Variants in CYB561 observed in about 807,000 individuals in gnomAD.
The protein encoded by CYB561 is transmembrane ascorbate-dependent reductase CYB561.
A neutral mutation model predicts 25.3 loss-of-function variants in CYB561; 11 were observed. That is an observed-to-expected ratio of 0.44 (90% confidence interval 0.27 to 0.72). The LOEUF (loss-of-function observed/expected upper bound fraction) is 0.72. Among genes scored for constraint, CYB561 ranks in the 30% least tolerant of loss-of-function variants. The pLI, the probability that CYB561 is intolerant of heterozygous loss-of-function variation, is 0.18. For missense variants in CYB561, 295 were observed against 334.9 expected (o/e 0.88, Z 0.93); for synonymous variants, 165 against 158.8 (o/e 1.04, Z -0.29).
In CYB561 at chr17:63,435,756, C is replaced by T. The variant is rs1599115823; in HGVS notation, c.337G>A (p.Gly113Ser). 5 of 1,614,202 alleles carry T rather than the reference C, an allele frequency of 3.1e-6. No homozygotes were observed. The highest frequency in any genetic ancestry group is 1.6e-4 in the Middle Eastern group (1 of 6,062). Residue 113 changes from glycine to serine, a missense_variant, in exon 4 of 6, where the codon GGC becomes AGC. Transcript: ENST00000360793. Reference sequence around the variant, plus strand: ...TGTAGGCTGTACAGGTCAGCGTAGCCCTTCTTCCTGTGGTAGTCGAACACC... The same window carrying T: ...TGTAGGCTGTACAGGTCAGCGTAGCTCTTCTTCCTGTGGTAGTCGAACACC... ...VAVFDYHRKK[G>S]YADLYSLHSW...
At chr17:63,440,477 T>C (rs2049363842) in intron 1 of CYB561, among the ~76,000 whole-genome samples, 2 of 152,132 alleles carry the variant, frequency 1.3e-5, no homozygotes, top group Admixed American at 1.3e-4. Flanking sequence ...GCTCCCAACA[T>C]CATGCTGTCC....
Position 63,433,654 on chromosome 17 carries a change from GC to G in CYB561, c.*747del. ...GAGGGAGCCCCAGCAGGAAGGGGCTGCAAGGTGCCCCCCATCCCCAACCCCC... is the reference window on the plus strand; with the variant it reads ...GAGGGAGCCCCAGCAGGAAGGGGCTGAAGGTGCCCCCCATCCCCAACCCCC... On this transcript the variant is annotated 3_prime_UTR_variant, in exon 6 of 6. Coordinates refer to ENST00000360793, the MANE Select transcript of CYB561 (RefSeq NM_001915.4). 2.8e-6 allele frequency: 1 copy of G among 361,038 alleles called. No homozygotes were observed. The highest frequency in any genetic ancestry group is 4.9e-6 in the Non-Finnish European group (1 of 203,406). The allele number at this position is 361,038 out of a possible 1,614,324, so 22.4% of individuals were successfully genotyped here. A position where few individuals can be genotyped will look rare whatever the true frequency, so the allele number is the denominator to read the frequency against.
At chr17:63,435,937 T>C (rs1298247291) in intron 3 of CYB561, 117 bp downstream of exon 3, 53 of 1,593,502 alleles carry the variant, frequency 3.3e-5, no homozygotes, top group Non-Finnish European at 4.3e-5. Flanking sequence ...CAGGGGATGT[T>C]TGGGGTGGGG....
intron 1 of CYB561, among the ~76,000 whole-genome samples, chr17:63,445,498 AGAG>A: frequency 6.7e-6 from 1 of 149,832 alleles, no homozygotes; most frequent in East Asian, 2.0e-4. Context: ...GGAATGAATG[AGAG>A]GAGGACGACC....
At chr17:63,445,505 G>A (rs1176241855) in intron 1 of CYB561, among the ~76,000 whole-genome samples, 1 of 150,518 alleles carries the variant, frequency 6.6e-6, no homozygotes, top group East Asian at 2.0e-4. Context: ...ATGAGAGGAG[G>A]ACGACCAGAA....
At chr17:63,438,854 CAGG>C (rs1326297057) in intron 1 of CYB561, among the ~76,000 whole-genome samples, 1 of 152,222 alleles carries the variant, frequency 6.6e-6, no homozygotes, top group Non-Finnish European at 1.5e-5. Flanking sequence ...GGAGAGGCGG[CAGG>C]AGGAGAACAA....
Position 63,436,095 on chromosome 17 carries a change from T to G in CYB561, c.260A>C (p.His87Pro). Reference sequence around the variant, plus strand: ...GAGCGCAAAGATGTGCAGCAGCCCGTGCAGGACCTTGGTGGTGCGTTTAGC... The same window carrying G: ...GAGCGCAAAGATGTGCAGCAGCCCGGGCAGGACCTTGGTGGTGCGTTTAGC... ...NEAKRTTKVL[H>P]GLLHIFALVI... The change falls in exon 3 of 6, where the codon CAC becomes CCC. Residue 87 changes from histidine (H) to proline (P), a missense_variant. Coordinates refer to ENST00000360793, the MANE Select transcript of CYB561 (RefSeq NM_001915.4). This position sits in a 1 kb window ranked among gnomAD's most constrained non-coding sequence, Gnocchi z 4.8. The G allele has an allele frequency of 6.2e-7, 1 of 1,614,228 alleles. No individual in the cohort carries two copies. Among genetic ancestry groups the G allele is most frequent in the Non-Finnish European group, 8.5e-7 (1 of 1,180,028 alleles).
intron 1 of CYB561, among the ~76,000 whole-genome samples, chr17:63,444,439 A>G (rs1599124119): frequency 6.6e-6 from 1 of 152,240 alleles, no homozygotes; most frequent in East Asian, 1.9e-4. Flanking sequence ...AAGGTGTGCC[A>G]GCGCCCAGCA....
intron 1 of CYB561, among the ~76,000 whole-genome samples, chr17:63,441,326 A>T (rs1230348251): frequency 6.6e-6 from 1 of 152,202 alleles, no homozygotes; most frequent in Non-Finnish European, 1.5e-5. Flanking sequence ...GTCACCCTTA[A>T]ATGACACTGT....
intron 1 of CYB561, among the ~76,000 whole-genome samples, chr17:63,443,820 C>T (rs2049398586): frequency 1.3e-5 from 2 of 152,044 alleles, no homozygotes; most frequent in African/African-American, 4.8e-5. Flanking sequence ...GAGATAGGGT[C>T]TCACTATGTT....
intron 3 of CYB561, 70 bp from the exon 4 acceptor site, chr17:63,435,861 G>A (rs2049292806): frequency 6.3e-7 from 1 of 1,584,520 alleles, no homozygotes; most frequent in Non-Finnish European, 8.7e-7. Context: ...TGACCCAGGG[G>A]AACCAGCTAG....
At chr17:63,438,368 C>T (rs1206051952) in intron 1 of CYB561, 4 of 650,100 alleles carry the variant, frequency 6.2e-6, no homozygotes, top group Non-Finnish European at 1.0e-5. Flanking sequence ...GGAAGTCTCC[C>T]TCCCCCATCC....
rs151218891 is a variant in CYB561, at chr17:63,437,499, C to G, written c.49G>C (p.Val17Leu). The change falls in exon 2 of 6, where the codon GTG (valine) becomes CTG (leucine). Residue 17 changes from valine (V) to leucine (L), a missense_variant. Physicochemically the swap from Val to Leu is conservative, Grantham distance 32 (BLOSUM62 1). Coordinates refer to ENST00000360793, the MANE Select transcript of CYB561 (RefSeq NM_001915.4). ...AATPTALPYY[V>L]AFSQLLGLTL... ...AGGCCCAGCAGCTGGGAGAAGGCCA[C>G]GTAGTAAGGCAGTGCTGTGGGGGTG... 167 of 1,613,540 alleles carry G rather than the reference C, an allele frequency of 1.0e-4. No individual in the cohort carries two copies. The highest frequency in any genetic ancestry group is 2.4e-5 in the Non-Finnish European group (28 of 1,179,950).
Position 63,436,282 on chromosome 17 carries a change from G to A in CYB561, c.203-130C>T. 1.7e-6 allele frequency: 2 copies of A among 1,198,252 alleles called. No homozygotes were observed. Among genetic ancestry groups the A allele is most frequent in the Non-Finnish European group, 2.3e-6 (2 of 865,700 alleles). 74.2% of individuals were successfully genotyped at this position (1,198,252 alleles called of 1,614,324 possible). A position where few individuals can be genotyped will look rare whatever the true frequency, so the allele number is the denominator to read the frequency against. ...GCTTGTAACAGGAGCCTAGCTGCAGGAACCGGAGGAGAAAGCCAGGTTCCC... is the reference window on the plus strand; with the variant it reads ...GCTTGTAACAGGAGCCTAGCTGCAGAAACCGGAGGAGAAAGCCAGGTTCCC... On this transcript the variant is annotated intron_variant, in intron 2 of 5. Transcript: ENST00000360793. This position sits in a 1 kb window ranked among gnomAD's most constrained non-coding sequence, Gnocchi z 4.8.
chr17:63,440,439 C>T (rs1009047530), intron 1 of CYB561, among the ~76,000 whole-genome samples: 2 of 152,214 alleles, frequency 1.3e-5, no homozygotes, highest in African/African-American at 4.8e-5. Flanking sequence ...CCCTCTTCAA[C>T]GTGACAGACA....
At chr17:63,435,634 T>TCCTCCCA (rs2049288991) in intron 4 of CYB561, 54 bp downstream of exon 4, 1 of 1,428,798 alleles carries the variant, frequency 7.0e-7, no homozygotes, top group African/African-American at 1.4e-5. Flanking sequence ...GCTCCCCTCC[T>TCCTCCCA]CCTCCCACCT....
At position 63,444,937 on chromosome 17, in the gene CYB561, A is replaced by G. The variant is rs1436650345; in HGVS notation, c.-14+1308T>C. On this transcript the variant is annotated intron_variant, in intron 1 of 5. Transcript: ENST00000360793. ...ACGTCTGTAATCCTAGCACTTTGGG[A>G]TGCCAAGGCGGGCAGATCACTTGAG... 2.6e-5 allele frequency among the ~76,000 whole-genome samples: 4 copies of G among 152,200 alleles called. No homozygotes were observed. The East Asian group carries it at 7.7e-4, about 29-fold the overall frequency.
intron 5 of CYB561, 153 bp from the exon 6 acceptor site, chr17:63,434,747 C>T (rs997411652): frequency 1.5e-6 from 1 of 669,030 alleles, no homozygotes; most frequent in Non-Finnish European, 2.5e-6. Flanking sequence ...CCCCCGCCCC[C>T]AACCAGCAAT....
chr17:63,443,799 C>CT (rs1006090954), intron 1 of CYB561, among the ~76,000 whole-genome samples: 60 of 152,048 alleles, frequency 3.9e-4, no homozygotes, highest in African/African-American at 1.3e-3. Context: ...TTAATTTTTT[C>CT]TTTTTTTGGA....
Sources: gnomAD v4.1 joint callset for allele counts (sites outside exome capture counted in the v4.1 genomes callset) on GRCh38, gnomAD v4.1.1 for gene constraint, Gnocchi (gnomAD v3.1) non-coding constraint, MANE v1.5 for transcripts, NCBI Gene and HGNC (gene_info 2026-07-23, HGNC 2026-07-21) for gene names.